The following MFSD2A variants were observed in gnomAD, a reference collection of about 807,000 sequenced individuals.
The protein encoded by MFSD2A is MFSD2 lysolipid transporter A, lysophospholipid, also known as sodium-dependent lysophosphatidylcholine symporter 1.
MFSD2A carries 27 observed loss-of-function variants against 64.7 expected under a neutral mutation model. The observed-to-expected ratio is 0.42, with a 90% confidence interval of 0.31 to 0.58. The LOEUF is 0.58. Among genes scored for constraint, MFSD2A ranks in the 20% least tolerant of loss-of-function variants. MFSD2A has a pLI of 0.18. For missense variants in MFSD2A, 474 were observed against 679.5 expected (o/e 0.70, Z 3.36); for synonymous variants, 258 against 273.4 (o/e 0.94, Z 0.55).
In MFSD2A at chr1:39,965,013, G is replaced by C; in HGVS notation, c.354-198G>C. On this transcript the variant is annotated intron_variant, in intron 3 of 13. Transcript: ENST00000372811. The surrounding 1 kb of genome is among the most constrained non-coding windows in gnomAD (Gnocchi z 5.5). Reference sequence around the variant, plus strand: ...CCTAGGATTTCAGTCTGGGGTCCCAGTTCCCATCTGCCATTCCGGGCTTGG... The same window carrying C: ...CCTAGGATTTCAGTCTGGGGTCCCACTTCCCATCTGCCATTCCGGGCTTGG... 1.5e-6 allele frequency: 1 copy of C among 663,394 alleles called. No individual in the cohort carries two copies. Among genetic ancestry groups the C allele is most frequent in the East Asian group, 2.8e-5 (1 of 35,952 alleles). The allele number at this position is 663,394 out of a possible 1,614,324, so 41.1% of individuals were successfully genotyped here. A position where few individuals can be genotyped will look rare whatever the true frequency, so the allele number is the denominator to read the frequency against.
intron 2 of MFSD2A, 128 bp downstream of exon 2, chr1:39,957,349 C>A: frequency 1.0e-6 from 1 of 959,254 alleles, no homozygotes; most frequent in Non-Finnish European, 1.5e-6. Flanking sequence ...TTTGCTGCCT[C>A]TGAGTCAGTG....
In MFSD2A at chr1:39,968,812, C is replaced by T; in HGVS notation, c.1529+67C>T. The T allele has an allele frequency of 1.9e-6, 3 of 1,567,438 alleles. No individual in the cohort carries two copies. Among genetic ancestry groups the T allele is most frequent in the East Asian group, 2.2e-5 (1 of 44,450 alleles). Reference sequence around the variant, plus strand: ...CTGTGTCTAAACCCTCAATTTGTGTCTCCTGTGGCCAAGTCCAGACTCACC... The same window carrying T: ...CTGTGTCTAAACCCTCAATTTGTGTTTCCTGTGGCCAAGTCCAGACTCACC... On this transcript the variant is annotated intron_variant, in intron 13 of 13. Coordinates refer to ENST00000372811, the MANE Select transcript of MFSD2A (RefSeq NM_032793.5). The surrounding 1 kb of genome is among the most constrained non-coding windows in gnomAD (Gnocchi z 4.4).
chr1:39,966,805 C>A lies in MFSD2A; in HGVS notation c.806-6C>A. On this transcript the variant is annotated splice_region_variant and splice_polypyrimidine_tract_variant and intron_variant, in intron 7 of 13. Transcript: ENST00000372811. ...CTCCTTCCTCACTGTCCGCTCTGGC[C>A]CCCAGAACCCTATGAAGCCCAGCAG... 6.2e-7 allele frequency: 1 copy of A among 1,614,082 alleles called. No individual in the cohort carries two copies. The highest frequency in any genetic ancestry group is 8.5e-7 in the Non-Finnish European group (1 of 1,180,006).
In MFSD2A at chr1:39,960,448, C is replaced by T. The variant is rs1456595840; in HGVS notation, c.353+1623C>T. 3.9e-5 allele frequency among the ~76,000 whole-genome samples: 6 copies of T among 152,208 alleles called. No homozygotes were observed. The highest frequency in any genetic ancestry group is 5.9e-5 in the Non-Finnish European group (4 of 68,036). ...GAGCCTTTGATCCAGTCTTCAGGGC[C>T]GGGGGCAGGACAGCCTGCCTTACCT... On this transcript the variant is annotated intron_variant, in intron 3 of 13. Coordinates refer to ENST00000372811, the MANE Select transcript of MFSD2A (RefSeq NM_032793.5). This position sits in a 1 kb window ranked among gnomAD's most constrained non-coding sequence, Gnocchi z 4.8.
chr1:39,963,039 G>T lies in MFSD2A; in HGVS notation c.354-2172G>T, dbSNP rs556459971. 33 of 1,447,722 alleles carry T rather than the reference G, an allele frequency of 2.3e-5. No homozygotes were observed. The highest frequency in any genetic ancestry group is 7.1e-5 in the East Asian group (3 of 42,444). The allele number at this position is 1,447,722 out of a possible 1,614,324, so 89.7% of individuals were successfully genotyped here. On this transcript the variant is annotated intron_variant, in intron 3 of 13. Coordinates refer to ENST00000372811, the MANE Select transcript of MFSD2A (RefSeq NM_032793.5). The surrounding 1 kb of genome is among the most constrained non-coding windows in gnomAD (Gnocchi z 4.2). Reference sequence around the variant, plus strand: ...CCTGGCCAAGCTCTCCATTGTCCCCGTGCGCAGAGGCTACTGGGGGAACAA... The same window carrying T: ...CCTGGCCAAGCTCTCCATTGTCCCCTTGCGCAGAGGCTACTGGGGGAACAA...
In MFSD2A at chr1:39,968,099, A is replaced by G. The variant is rs3103778; in HGVS notation, c.1208+183A>G. On this transcript the variant is annotated intron_variant, in intron 11 of 13. Coordinates refer to ENST00000372811, the MANE Select transcript of MFSD2A (RefSeq NM_032793.5). This position sits in a 1 kb window ranked among gnomAD's most constrained non-coding sequence, Gnocchi z 4.4. The stretch of plus-strand genomic sequence containing the variant: ...GTGAGCTTTGCAAGAACACCTAGTC[A>G]GAGTGAAAAATGGGGGCTGTAATCT... 0.52 allele frequency: 330,249 copies of G among 641,086 alleles called. 87,457 individuals are homozygous for G. The highest frequency in any genetic ancestry group is 0.7 in the South Asian group (35,194 of 50,214). The allele number at this position is 641,086 out of a possible 1,614,324, so 39.7% of individuals were successfully genotyped here. A position where few individuals can be genotyped will look rare whatever the true frequency, so the allele number is the denominator to read the frequency against.
chr1:39,955,716 C>T lies in MFSD2A; in HGVS notation c.93+331C>T, dbSNP rs1644911759. On this transcript the variant is annotated intron_variant, in intron 1 of 13. Transcript: ENST00000372811. This position sits in a 1 kb window ranked among gnomAD's most constrained non-coding sequence, Gnocchi z 5.9. ...GCCGCCCCAAACCCCAGAGATGACCCCAGAAATCTGGGAAACTCCCCTTGG... is the reference window on the plus strand; with the variant it reads ...GCCGCCCCAAACCCCAGAGATGACCTCAGAAATCTGGGAAACTCCCCTTGG... 5.3e-6 allele frequency: 3 copies of T among 561,878 alleles called. No homozygotes were observed. Among genetic ancestry groups the T allele is most frequent in the Middle Eastern group, 2.7e-4 (1 of 3,690 alleles). The allele number at this position is 561,878 out of a possible 1,614,324, so 34.8% of individuals were successfully genotyped here. A position where few individuals can be genotyped will look rare whatever the true frequency, so the allele number is the denominator to read the frequency against.
chr1:39,965,199 C>T lies in MFSD2A; in HGVS notation c.354-12C>T, dbSNP rs534571320. The stretch of plus-strand genomic sequence containing the variant: ...AGCCTCCAGCCTCCACTCACACCCT[C>T]CTCTTCCTCAGGATCATCTTCTCCA... On this transcript the variant is annotated splice_polypyrimidine_tract_variant and intron_variant, in intron 3 of 13. Transcript: ENST00000372811. The surrounding 1 kb of genome is among the most constrained non-coding windows in gnomAD (Gnocchi z 5.5). The T allele has an allele frequency of 1.9e-6, 3 of 1,613,876 alleles. No homozygotes were observed. The African/African-American group carries it at 4.0e-5, about 22-fold the overall frequency.
At chr1:39,967,602 C>T (rs1229987096) in intron 9 of MFSD2A, 26 bp from the exon 10 acceptor site, 3 of 1,611,120 alleles carry the variant, frequency 1.9e-6, no homozygotes, top group Non-Finnish European at 1.7e-6. Flanking sequence ...AAGCACCTCC[C>T]TTTAACCCCC....
chr1:39,955,169 C>A lies in MFSD2A; in HGVS notation c.-124C>A. The stretch of plus-strand genomic sequence containing the variant: ...CAGAGTGCGTTCCTCGTCTGCCAGC[C>A]GGCTTGGCTAGCGCGCGGCGGCCGT... On this transcript the variant is annotated 5_prime_UTR_variant, in exon 1 of 14. Coordinates refer to ENST00000372811, the MANE Select transcript of MFSD2A (RefSeq NM_032793.5). The surrounding 1 kb of genome is among the most constrained non-coding windows in gnomAD (Gnocchi z 5.9). 8.4e-6 allele frequency: 6 copies of A among 712,082 alleles called. No individual in the cohort carries two copies. Among genetic ancestry groups the A allele is most frequent in the Non-Finnish European group, 1.2e-5 (6 of 500,692 alleles). 44.1% of individuals were successfully genotyped at this position (712,082 alleles called of 1,614,324 possible). A position where few individuals can be genotyped will look rare whatever the true frequency, so the allele number is the denominator to read the frequency against.
rs1644900805 is a variant in MFSD2A, at chr1:39,955,300, A to G, written c.8A>G (p.Lys3Arg). 2 of 1,438,532 alleles carry G rather than the reference A, an allele frequency of 1.4e-6. No homozygotes were observed. The highest frequency in any genetic ancestry group is 1.8e-6 in the Non-Finnish European group (2 of 1,094,370). The allele number at this position is 1,438,532 out of a possible 1,614,324, so 89.1% of individuals were successfully genotyped here. Residue 3 changes from lysine (K) to arginine (R), a missense_variant, in exon 1 of 14, where the codon AAA becomes AGA. By Grantham distance (26) the Lys-to-Arg change is conservative. Transcript: ENST00000372811. This position sits in a 1 kb window ranked among gnomAD's most constrained non-coding sequence, Gnocchi z 5.9. MA[K>R]GEGAESGSAA... ...CGGCGTGGCCCGCGGGTCATGGCCA[A>G]AGGAGAAGGCGCCGAGAGCGGCTCC...
intron 6 of MFSD2A, 126 bp from the exon 7 acceptor site, chr1:39,966,475 A>T (rs1013873848): frequency 4.1e-5 from 31 of 759,206 alleles, no homozygotes; most frequent in Non-Finnish European, 6.7e-5. Flanking sequence ...CATTTCACAC[A>T]TGGAGACAGT....
In MFSD2A at chr1:39,955,591, C is replaced by G. The variant is rs1199333053; in HGVS notation, c.93+206C>G. The G allele has an allele frequency of 1.4e-6, 1 of 695,056 alleles. No homozygotes were observed. Among genetic ancestry groups the G allele is most frequent in the Non-Finnish European group, 2.6e-6 (1 of 382,926 alleles). 43.1% of individuals were successfully genotyped at this position (695,056 alleles called of 1,614,324 possible). A position where few individuals can be genotyped will look rare whatever the true frequency, so the allele number is the denominator to read the frequency against. ...GCGCCCTCGCCCCCCTTTGCTCACC[C>G]GCACTCCACGCTCTGCGGAGAGGCT... On this transcript the variant is annotated intron_variant, in intron 1 of 13. Transcript: ENST00000372811. This position sits in a 1 kb window ranked among gnomAD's most constrained non-coding sequence, Gnocchi z 5.9.
chr1:39,969,723 C>T lies in MFSD2A; in HGVS notation c.*155C>T, dbSNP rs1645241892. 5 of 719,006 alleles carry T rather than the reference C, an allele frequency of 7.0e-6. No individual in the cohort carries two copies. Among genetic ancestry groups the T allele is most frequent in the Non-Finnish European group, 1.1e-5 (5 of 440,858 alleles). 44.5% of individuals were successfully genotyped at this position (719,006 alleles called of 1,614,324 possible). ...GACACTTGCTGTGCTCACTGTGGGG[C>T]CGGCTGCTCTGTGGCCTCCTGCCTC... On this transcript the variant is annotated 3_prime_UTR_variant, in exon 14 of 14. Transcript: ENST00000372811.
In MFSD2A at chr1:39,955,236, C is replaced by T; in HGVS notation, c.-57C>T. On this transcript the variant is annotated 5_prime_UTR_variant, in exon 1 of 14. Transcript: ENST00000372811. This position sits in a 1 kb window ranked among gnomAD's most constrained non-coding sequence, Gnocchi z 5.9. Reference sequence around the variant, plus strand: ...AAGCGAGCTTGGGAGGAGCAGCGGCCTGCGGGGCAGAGGAGCATCCCGTCT... The same window carrying T: ...AAGCGAGCTTGGGAGGAGCAGCGGCTTGCGGGGCAGAGGAGCATCCCGTCT... The T allele has an allele frequency of 7.6e-7, 1 of 1,314,262 alleles. No individual in the cohort carries two copies. Among genetic ancestry groups the T allele is most frequent in the Non-Finnish European group, 9.8e-7 (1 of 1,020,394 alleles). The allele number at this position is 1,314,262 out of a possible 1,614,324, so 81.4% of individuals were successfully genotyped here.
In MFSD2A at chr1:39,966,832, C is replaced by G. The variant is rs1162518510; in HGVS notation, c.827C>G (p.Ser276Cys). The change falls in exon 8 of 14, where the codon TCT (serine) becomes TGT (cysteine). Residue 276 changes from serine (S) to cysteine (C), a missense_variant. Ser to Cys is a moderately radical substitution (Grantham distance 112). Coordinates refer to ENST00000372811, the MANE Select transcript of MFSD2A (RefSeq NM_032793.5). ...CCAGAACCCTATGAAGCCCAGCAGTCTGAGCCAATCGCCTACTTCCGGGGC... is the reference window on the plus strand; with the variant it reads ...CCAGAACCCTATGAAGCCCAGCAGTGTGAGCCAATCGCCTACTTCCGGGGC... ...EQREPYEAQQ[S>C]EPIAYFRGLR... 14 of 1,614,002 alleles carry G rather than the reference C, an allele frequency of 8.7e-6. No homozygotes were observed. The Admixed American group carries it at 1.8e-4, about 21-fold the overall frequency.
intron 3 of MFSD2A, among the ~76,000 whole-genome samples, chr1:39,959,244 T>A (rs912348400): frequency 2.0e-5 from 3 of 151,770 alleles, no homozygotes; most frequent in Non-Finnish European, 4.4e-5. Flanking sequence ...CTTTCTATCT[T>A]TCTTTCTTTT....
In MFSD2A at chr1:39,963,925, G is replaced by A. The variant is rs1308188966; in HGVS notation, c.354-1286G>A. On this transcript the variant is annotated intron_variant, in intron 3 of 13. Coordinates refer to ENST00000372811, the MANE Select transcript of MFSD2A (RefSeq NM_032793.5). This position sits in a 1 kb window ranked among gnomAD's most constrained non-coding sequence, Gnocchi z 4.2. ...AATTTTTGTATTTTTAGTAGAGACG[G>A]AGGTTTCGCCATGTTGGGCAGGCTG... 6.6e-6 allele frequency among the ~76,000 whole-genome samples: 1 copy of A among 152,142 alleles called. No individual in the cohort carries two copies.
intron 9 of MFSD2A, 71 bp downstream of exon 9, chr1:39,967,240 T>G: frequency 7.3e-7 from 1 of 1,372,330 alleles, no homozygotes; most frequent in Non-Finnish European, 1.0e-6. Context: ...GTTCTTGGAA[T>G]AGGCAGAGGA....
Sources: gnomAD v4.1 joint callset for allele counts (sites outside exome capture counted in the v4.1 genomes callset) on GRCh38, gnomAD v4.1.1 for gene constraint, Gnocchi (gnomAD v3.1) non-coding constraint, MANE v1.5 for transcripts, NCBI Gene and HGNC (gene_info 2026-07-23, HGNC 2026-07-21) for gene names.